The following TCERG1L variants were observed in gnomAD, a reference collection of about 807,000 sequenced individuals.
The protein encoded by TCERG1L is transcription elongation regulator 1-like protein.
A neutral mutation model predicts 56.3 loss-of-function variants in TCERG1L; 37 were observed. The ratio of observed to expected loss-of-function variants is 0.66; its 90% CI spans 0.51 to 0.87. The LOEUF (loss-of-function observed/expected upper bound fraction) is 0.87, where lower values mean the gene tolerates loss of function less well. TCERG1L is among the 40% of genes least tolerant of loss of function. The pLI, the probability that TCERG1L is intolerant of heterozygous loss-of-function variation, is 0.00. For missense variants in TCERG1L, 799 were observed against 774.2 expected (o/e 1.03, Z -0.38); for synonymous variants, 324 against 326.3 (o/e 0.99, Z 0.08).
At chr10:131,208,596 CG>C (rs1845575399) in intron 4 of TCERG1L, among the ~76,000 whole-genome samples, 1 of 152,192 alleles carries the variant, frequency 6.6e-6, no homozygotes, top group Non-Finnish European at 1.5e-5. Flanking sequence ...CCTGCCCCAC[CG>C]TTTCTAGGGA....
At chr10:131,244,804 GCCCAGGTGTCC>G (rs985013487) in intron 4 of TCERG1L, among the ~76,000 whole-genome samples, 1 of 152,162 alleles carries the variant, frequency 6.6e-6, no homozygotes, top group African/African-American at 2.4e-5. Flanking sequence ...GGACTAGTGG[GCCCAGGTGTCC>G]CCCAGGGAGA....
intron 4 of TCERG1L, among the ~76,000 whole-genome samples, chr10:131,227,346 GT>G (rs1231766087): frequency 2.0e-5 from 3 of 152,238 alleles, no homozygotes; most frequent in Non-Finnish European, 4.4e-5. Context: ...GAAGAGTAGA[GT>G]CCCCTTGGGT....
chr10:131,127,430 G>A (rs939582990), intron 8 of TCERG1L, among the ~76,000 whole-genome samples: 3 of 152,216 alleles, frequency 2.0e-5, no homozygotes, highest in Non-Finnish European at 4.4e-5. Flanking sequence ...AGAGGCTGAT[G>A]GGAAGCAGAG....
chr10:131,234,789 C>T (rs576508896), intron 4 of TCERG1L, among the ~76,000 whole-genome samples: 7 of 152,304 alleles, frequency 4.6e-5, no homozygotes, highest in East Asian at 3.9e-4. Flanking sequence ...CCGCCACCTC[C>T]GCCTCCTGGG....
At chr10:131,288,486 G>T (rs1398826734) in intron 3 of TCERG1L, among the ~76,000 whole-genome samples, 1 of 152,096 alleles carries the variant, frequency 6.6e-6, no homozygotes, top group Non-Finnish European at 1.5e-5. Flanking sequence ...TGGGATACCC[G>T]CTGTGCCGGG....
chr10:131,199,355 T>C (rs183934014), intron 4 of TCERG1L, among the ~76,000 whole-genome samples: 54 of 152,298 alleles, frequency 3.5e-4, no homozygotes, highest in African/African-American at 1.3e-3. Flanking sequence ...TTCCCTCTTT[T>C]CACATTTTAC....
chr10:131,174,291 C>T (rs1304966883), intron 4 of TCERG1L, among the ~76,000 whole-genome samples: 1 of 152,228 alleles, frequency 6.6e-6, no homozygotes, highest in Non-Finnish European at 1.5e-5. Context: ...GCACACAGGA[C>T]AAGCCCAGCA....
At chr10:131,235,922 TA>T (rs1172066694) in intron 4 of TCERG1L, among the ~76,000 whole-genome samples, 3 of 152,208 alleles carry the variant, frequency 2.0e-5, no homozygotes, top group Non-Finnish European at 4.4e-5. Context: ...AAACAATAGA[TA>T]AATCCCTATA....
chr10:131,141,660 CT>C (rs1425468010), intron 7 of TCERG1L, among the ~76,000 whole-genome samples: 1 of 151,962 alleles, frequency 6.6e-6, no homozygotes, highest in African/African-American at 2.4e-5. Context: ...CCCCTCCCTC[CT>C]TTCCAACTTC....
At chr10:131,106,560 G>A (rs1795374213) in intron 9 of TCERG1L, among the ~76,000 whole-genome samples, 2 of 152,170 alleles carry the variant, frequency 1.3e-5, no homozygotes, top group South Asian at 4.1e-4. Context: ...AAGGTGCAGG[G>A]AAGTGGCAGC....
chr10:131,228,873 A>C, intron 4 of TCERG1L, among the ~76,000 whole-genome samples: 1 of 124,212 alleles, frequency 8.1e-6, no homozygotes, highest in South Asian at 3.2e-4. Flanking sequence ...TCCCCTCCAG[A>C]CAGGCATTTC....
intron 4 of TCERG1L, among the ~76,000 whole-genome samples, chr10:131,174,928 A>G (rs1161036924): frequency 2.1e-5 from 2 of 96,814 alleles, no homozygotes; most frequent in Non-Finnish European, 2.4e-5. Flanking sequence ...CCCCTCTAAT[A>G]GGACCTCAAC....
intron 8 of TCERG1L, among the ~76,000 whole-genome samples, chr10:131,128,761 G>A (rs1201609126): frequency 6.6e-6 from 1 of 152,178 alleles, no homozygotes; most frequent in Non-Finnish European, 1.5e-5. Context: ...TTAGCACTTA[G>A]CAATCTCTAA....
At chr10:131,206,045 A>G (rs2918127) in intron 4 of TCERG1L, among the ~76,000 whole-genome samples, 75,631 of 151,596 alleles carry the variant, frequency 0.5, 19,053 homozygotes, top group South Asian at 0.67. Context: ...TGTCTGGAAG[A>G]CTCTGAAAGG....
chr10:131,253,702 CAG>C (rs1846136854), intron 4 of TCERG1L, among the ~76,000 whole-genome samples: 1 of 152,152 alleles, frequency 6.6e-6, no homozygotes, highest in Admixed American at 6.5e-5. Context: ...ATAGAGAACA[CAG>C]AGAACTGTCG....
At chr10:131,189,927 C>A (rs982818312) in intron 4 of TCERG1L, among the ~76,000 whole-genome samples, 4 of 151,960 alleles carry the variant, frequency 2.6e-5, no homozygotes, top group African/African-American at 9.7e-5. Context: ...TAACAAAGAT[C>A]AGAGCAGAAC....
intron 4 of TCERG1L, among the ~76,000 whole-genome samples, chr10:131,181,466 A>G (rs909656739): frequency 6.6e-6 from 1 of 152,280 alleles, no homozygotes; most frequent in African/African-American, 2.4e-5. Flanking sequence ...CAATTTCTCC[A>G]TCAACTGAAT....
At chr10:131,282,718 T>G (rs978121059) in intron 3 of TCERG1L, among the ~76,000 whole-genome samples, 1 of 152,224 alleles carries the variant, frequency 6.6e-6, no homozygotes, top group Non-Finnish European at 1.5e-5. Context: ...TTGATCGATA[T>G]TTATCAAGCC....
intron 3 of TCERG1L, among the ~76,000 whole-genome samples, chr10:131,264,208 C>T (rs1281969928): frequency 6.6e-6 from 1 of 152,052 alleles, no homozygotes; most frequent in Non-Finnish European, 1.5e-5. Flanking sequence ...CTCTGACTCT[C>T]ATCCCTGAAG....
Sources: gnomAD v4.1 joint callset for allele counts (sites outside exome capture counted in the v4.1 genomes callset) on GRCh38, gnomAD v4.1.1 for gene constraint, MANE v1.5 for transcripts, NCBI Gene and HGNC (gene_info 2026-07-23, HGNC 2026-07-21) for gene names.